The following NAV3 variants were observed in gnomAD, a reference collection of about 807,000 sequenced individuals.
NAV3 encodes neuron navigator 3.
Under a neutral mutation model 244.7 loss-of-function variants are expected in NAV3, and 87 were observed. The observed-to-expected ratio is 0.36, with a 90% CI of 0.30 to 0.42. The LOEUF is 0.42. Ranked by LOEUF, NAV3 falls within the 20% of genes least tolerant of loss-of-function variation. NAV3 has a pLI of 1.00. For synonymous variants in NAV3, 1,126 were observed against 1,042.2 expected (o/e 1.08, Z -1.55); for missense variants, 2,663 against 2,893.3 (o/e 0.92, Z 1.83).
chr12:77,689,520 T>A (rs1300142022), intron 2 of NAV3, among the ~76,000 whole-genome samples: 1 of 151,944 alleles, frequency 6.6e-6, no homozygotes, highest in Non-Finnish European at 1.5e-5. Flanking sequence ...TGTGTTAAGA[T>A]CTCTGTGAAC....
intron 2 of NAV3, among the ~76,000 whole-genome samples, chr12:77,812,395 C>T (rs1461604875): frequency 6.6e-6 from 1 of 151,920 alleles, no homozygotes; most frequent in African/African-American, 2.4e-5. Flanking sequence ...TGAGGAATTT[C>T]ATTTCTTTCT....
intron 2 of NAV3, among the ~76,000 whole-genome samples, chr12:77,766,819 T>C (rs1869798705): frequency 7.3e-6 from 1 of 136,148 alleles, no homozygotes; most frequent in Admixed American, 8.3e-5. Flanking sequence ...AGTGGCGTGA[T>C]CTCGGCTCAC....
chr12:77,945,692 A>G (rs923327893), intron 3 of NAV3, among the ~76,000 whole-genome samples: 7 of 152,092 alleles, frequency 4.6e-5, no homozygotes, highest in African/African-American at 1.7e-4. Flanking sequence ...TTTAGATAAT[A>G]TTAATGTGCT....
chr12:78,063,497 T>G (rs1356562529), intron 12 of NAV3, among the ~76,000 whole-genome samples: 1 of 152,128 alleles, frequency 6.6e-6, no homozygotes, highest in Non-Finnish European at 1.5e-5. Flanking sequence ...TATAAACAAA[T>G]ATATGATTAC....
At position 78,105,899 on chromosome 12, in the gene NAV3, A is replaced by G. The variant is rs1269287006; in HGVS notation, c.2637-10873A>G. Among the ~76,000 whole-genome samples, 3 of 151,574 alleles carry G rather than the reference A, an allele frequency of 2.0e-5. No individual in the cohort carries two copies. In the East Asian group the frequency reaches 5.8e-4, roughly 29 times the overall value. On this transcript the variant is annotated intron_variant, in intron 12 of 39. Coordinates refer to ENST00000397909, the MANE Select transcript of NAV3 (RefSeq NM_001024383.2). ...GATATAAATCCTAATTTTATATTTT[A>G]TGATATTCAAAATTTCTAACAAATA...
chr12:77,658,803 C>T (rs1397817902), intron 2 of NAV3, among the ~76,000 whole-genome samples: 11 of 151,520 alleles, frequency 7.3e-5, no homozygotes, highest in Admixed American at 3.9e-4. Flanking sequence ...GAAATAACGC[C>T]GCATATCTAC....
At chr12:77,898,426 A>G (rs1884880788) in intron 1 of NAV3, among the ~76,000 whole-genome samples, 1 of 152,228 alleles carries the variant, frequency 6.6e-6, no homozygotes, top group Non-Finnish European at 1.5e-5. Flanking sequence ...GAAATAAGGT[A>G]TTGAACATTT....
chr12:77,984,309 G>C (rs1438885396), intron 5 of NAV3, among the ~76,000 whole-genome samples: 1 of 152,170 alleles, frequency 6.6e-6, no homozygotes, highest in Non-Finnish European at 1.5e-5. Context: ...AAAGAGCCAT[G>C]CTTATGTGCT....
chr12:78,185,763 T>G, intron 31 of NAV3, 65 bp downstream of exon 31: 1 of 1,340,222 alleles, frequency 7.5e-7, no homozygotes, highest in Non-Finnish European at 1.1e-6. Flanking sequence ...AAGTGTATTT[T>G]ATGTGTGAAT....
At chr12:77,721,591 C>G (rs1160392955) in intron 2 of NAV3, among the ~76,000 whole-genome samples, 1 of 151,982 alleles carries the variant, frequency 6.6e-6, no homozygotes, top group Admixed American at 6.6e-5. Context: ...GAAATATAAT[C>G]AAAGGTGAAA....
intron 2 of NAV3, among the ~76,000 whole-genome samples, chr12:77,773,391 A>G (rs972212456): frequency 6.6e-6 from 1 of 152,184 alleles, no homozygotes; most frequent in Non-Finnish European, 1.5e-5. Context: ...TAATGTCCCT[A>G]TTATTTGTGA....
chr12:78,124,142 G>A (rs752068228), intron 16 of NAV3, among the ~76,000 whole-genome samples: 3 of 152,062 alleles, frequency 2.0e-5, no homozygotes, highest in Non-Finnish European at 2.9e-5. Context: ...CAACAAGTTG[G>A]CCATTTAGCC....
intron 30 of NAV3, among the ~76,000 whole-genome samples, chr12:78,182,556 T>C (rs1958542629): frequency 6.6e-6 from 1 of 151,734 alleles, no homozygotes; most frequent in Admixed American, 6.6e-5. Context: ...AACAGACACA[T>C]ATAAAAAAAA....
At chr12:77,852,552 T>G (rs35481715) in intron 1 of NAV3, among the ~76,000 whole-genome samples, 114,324 of 151,438 alleles carry the variant, frequency 0.75, 45,841 homozygotes, top group East Asian at 0.99. Flanking sequence ...AATAAATAAA[T>G]AAATAAATAA....
intron 2 of NAV3, among the ~76,000 whole-genome samples, chr12:77,731,007 A>C (rs1282090491): frequency 6.6e-6 from 1 of 151,948 alleles, no homozygotes; most frequent in Non-Finnish European, 1.5e-5. Context: ...CATAAGGATT[A>C]AAAAACAAAG....
intron 1 of NAV3, among the ~76,000 whole-genome samples, chr12:77,926,696 G>C (rs925409383): frequency 6.6e-6 from 1 of 152,124 alleles, no homozygotes; most frequent in Non-Finnish European, 1.5e-5. Context: ...AAATTCATTT[G>C]TTGGGCCCCA....
At chr12:77,731,138 G>T (rs1201414206) in intron 2 of NAV3, among the ~76,000 whole-genome samples, 1 of 151,984 alleles carries the variant, frequency 6.6e-6, no homozygotes, top group Non-Finnish European at 1.5e-5. Flanking sequence ...AGAAATTGGA[G>T]GATTCAGTGC....
rs1045196455 is a variant in NAV3, at chr12:78,140,262, G to T, written c.4631-20G>T. 2 of 1,608,836 alleles carry T rather than the reference G, an allele frequency of 1.2e-6. No individual in the cohort carries two copies. The highest frequency in any genetic ancestry group is 1.7e-6 in the Non-Finnish European group (2 of 1,175,892). On this transcript the variant is annotated intron_variant, in intron 19 of 39. Coordinates refer to ENST00000397909, the MANE Select transcript of NAV3 (RefSeq NM_001024383.2). ...TAGACCTTATTGTTTTAACTCTATT[G>T]TTCTGTTTGTTTTCTCCAGTTCATG... is the stretch of plus-strand genomic sequence containing the variant.
intron 34 of NAV3, among the ~76,000 whole-genome samples, chr12:78,191,469 A>G (rs1213703199): frequency 6.6e-6 from 1 of 152,174 alleles, no homozygotes; most frequent in Non-Finnish European, 1.5e-5. Flanking sequence ...ACACACACAC[A>G]TCTTTGTTCA....
Sources: gnomAD v4.1 joint callset for allele counts (sites outside exome capture counted in the v4.1 genomes callset) on GRCh38, gnomAD v4.1.1 for gene constraint, MANE v1.5 for transcripts, NCBI Gene and HGNC (gene_info 2026-07-23, HGNC 2026-07-21) for gene names.